C1QTNF3: variants seen among roughly 807,000 people sequenced by gnomAD.
The protein encoded by C1QTNF3 is C1q and TNF related 3.
C1QTNF3 carries 26 observed loss-of-function variants against 32.6 expected under a neutral mutation model. That is an observed-to-expected ratio of 0.80 (90% confidence interval 0.58 to 1.11). The LOEUF (loss-of-function observed/expected upper bound fraction) is 1.11. Among genes scored for constraint, C1QTNF3 ranks in the 50% least tolerant of loss-of-function variants. The pLI is 0.00. For synonymous variants in C1QTNF3, 155 were observed against 146.0 expected (o/e 1.06, Z -0.44); for missense variants, 362 against 398.2 (o/e 0.91, Z 0.77).
the C1QTNF3 span, among the ~76,000 whole-genome samples, chr5:34,058,047 T>C: frequency 1.3e-5 from 2 of 152,180 alleles, no homozygotes; most frequent in Non-Finnish European, 2.9e-5. Flanking sequence ...TCCTGTTCTG[T>C]AAGAGGGCTC....
the C1QTNF3 span, among the ~76,000 whole-genome samples, chr5:34,074,446 A>G: frequency 2.6e-5 from 4 of 151,662 alleles, no homozygotes; most frequent in South Asian, 4.1e-4. Context: ...ATCGGCTAAT[A>G]TAAGTGTCTG....
At chr5:34,222,418 A>G in the C1QTNF3 span, among the ~76,000 whole-genome samples, 2 of 151,692 alleles carry the variant, frequency 1.3e-5, no homozygotes, top group African/African-American at 4.8e-5. Flanking sequence ...TAGTTGTTCT[A>G]TAACCAAGGC....
chr5:34,143,509 A>G, the C1QTNF3 span, among the ~76,000 whole-genome samples: 1 of 152,170 alleles, frequency 6.6e-6, no homozygotes, highest in Non-Finnish European at 1.5e-5. Context: ...AAAAGGAAAA[A>G]TCTTAAAGGC....
At chr5:34,067,041 CA>C in the C1QTNF3 span, among the ~76,000 whole-genome samples, 1 of 152,170 alleles carries the variant, frequency 6.6e-6, no homozygotes, top group African/African-American at 2.4e-5. Flanking sequence ...ATCTCTAGGG[CA>C]GGGGCAAAAT....
chr5:34,202,171 T>C, the C1QTNF3 span, among the ~76,000 whole-genome samples: 1 of 152,008 alleles, frequency 6.6e-6, no homozygotes, highest in African/African-American at 2.4e-5. Flanking sequence ...GCTTGTTTTG[T>C]TTTGTTTTAA....
At chr5:34,056,212 A>C in the C1QTNF3 span, among the ~76,000 whole-genome samples, 5 of 152,088 alleles carry the variant, frequency 3.3e-5, no homozygotes, top group African/African-American at 1.2e-4. Context: ...TTCACGATAG[A>C]AAACATATCA....
chr5:34,160,121 A>G, the C1QTNF3 span, among the ~76,000 whole-genome samples: 2 of 152,208 alleles, frequency 1.3e-5, no homozygotes, highest in Non-Finnish European at 2.9e-5. Flanking sequence ...TTCAGTACTG[A>G]GGGCATTACA....
At chr5:34,065,331 A>G in the C1QTNF3 span, among the ~76,000 whole-genome samples, 1 of 152,162 alleles carries the variant, frequency 6.6e-6, no homozygotes. Flanking sequence ...TCAAAACCAC[A>G]ATAACACGCC....
At chr5:34,068,636 T>C in the C1QTNF3 span, among the ~76,000 whole-genome samples, 1 of 152,182 alleles carries the variant, frequency 6.6e-6, no homozygotes, top group African/African-American at 2.4e-5. Context: ...TCCATAAGCT[T>C]AGTTACATTA....
the C1QTNF3 span, among the ~76,000 whole-genome samples, chr5:34,145,385 T>C: frequency 6.6e-6 from 1 of 152,042 alleles, no homozygotes; most frequent in Non-Finnish European, 1.5e-5. Flanking sequence ...CACAAAAATC[T>C]GGAGACAATA....
At chr5:34,173,831 T>C in the C1QTNF3 span, among the ~76,000 whole-genome samples, 1 of 150,628 alleles carries the variant, frequency 6.6e-6, no homozygotes, top group East Asian at 1.9e-4. Context: ...ATGTTCTCCT[T>C]ATTTCAGAGG....
chr5:34,202,433 T>C, the C1QTNF3 span, among the ~76,000 whole-genome samples: 2 of 152,312 alleles, frequency 1.3e-5, no homozygotes, highest in African/African-American at 4.8e-5. Flanking sequence ...CCACCTATTG[T>C]AAGGTCTTCC....
At chr5:34,026,914 C>T (rs1754475900) in intron 4 of C1QTNF3, among the ~76,000 whole-genome samples, 1 of 152,034 alleles carries the variant, frequency 6.6e-6, no homozygotes, top group South Asian at 2.1e-4. Context: ...CATTATAGAA[C>T]AAAAGGCGTG....
At chr5:34,042,582 G>C (rs1296756867) in intron 1 of C1QTNF3, among the ~76,000 whole-genome samples, 2 of 152,104 alleles carry the variant, frequency 1.3e-5, no homozygotes, top group Admixed American at 1.3e-4. Context: ...TTTCTGATGG[G>C]GTGATGCTAC....
the C1QTNF3 span, chr5:34,106,201 T>C: frequency 6.6e-6 from 1 of 151,902 alleles, no homozygotes; most frequent in Non-Finnish European, 1.5e-5. Flanking sequence ...TAGCAAATAT[T>C]TGCTAGCCAA....
At chr5:34,043,544 T>C (rs890948), upstream of C1QTNF3, 121,068 of 168,348 alleles carry the variant, frequency 0.72, 43,815 homozygotes, top group East Asian at 0.89. Flanking sequence ...TCTACCCTTG[T>C]GCTTGCCAGG....
intron 3 of C1QTNF3, among the ~76,000 whole-genome samples, chr5:34,032,311 A>AAG (rs1579604875): frequency 6.6e-6 from 1 of 152,224 alleles, no homozygotes; most frequent in African/African-American, 2.4e-5. Flanking sequence ...GATCATTTAA[A>AAG]AGAGAGAGAA....
the C1QTNF3 span, among the ~76,000 whole-genome samples, chr5:34,137,925 A>G: frequency 1.3e-5 from 2 of 152,218 alleles, no homozygotes; most frequent in African/African-American, 2.4e-5. Context: ...ACCCATTTGG[A>G]GACAAGATAT....
chr5:34,102,719 A>G, the C1QTNF3 span, among the ~76,000 whole-genome samples: 3 of 152,258 alleles, frequency 2.0e-5, no homozygotes, highest in Non-Finnish European at 2.9e-5. Flanking sequence ...GCTGGAAACC[A>G]TCATTCTCAG....
Sources: allele counts gnomAD v4.1 joint callset (sites outside exome capture counted in the v4.1 genomes callset), GRCh38; gene constraint gnomAD v4.1.1; transcripts MANE v1.5; gene names NCBI Gene and HGNC (gene_info 2026-07-23, HGNC 2026-07-21).